UNC5D: variants seen among roughly 807,000 people sequenced by gnomAD.
The protein encoded by UNC5D is netrin receptor UNC5D.
Under a neutral mutation model 105.4 loss-of-function variants are expected in UNC5D, and 39 were observed. The observed-to-expected ratio is 0.37, with a 90% CI of 0.29 to 0.48. The LOEUF (loss-of-function observed/expected upper bound fraction) is 0.48. UNC5D is among the 20% of genes least tolerant of loss of function. UNC5D has a pLI of 0.98. For missense variants in UNC5D, 991 were observed against 1,202.4 expected, an observed-to-expected ratio of 0.82 and a Z score of 2.60; for synonymous variants, 452 against 450.4, an observed-to-expected ratio of 1.00 and a Z score of -0.04.
intron 1 of UNC5D, among the ~76,000 whole-genome samples, chr8:35,248,819 A>T (rs1242639596): frequency 1.0e-5 from 1 of 97,844 alleles, no homozygotes; most frequent in Non-Finnish European, 1.8e-5. Context: ...TATAATATAT[A>T]TAATATTTAT....
chr8:35,726,959 C>G, intron 10 of UNC5D: 1 of 187,588 alleles, frequency 5.3e-6, no homozygotes, highest in South Asian at 1.2e-4. Flanking sequence ...GACATCTCAT[C>G]AGTAACTGAC....
intron 1 of UNC5D, among the ~76,000 whole-genome samples, chr8:35,344,428 C>T (rs1314047785): frequency 1.3e-5 from 2 of 151,952 alleles, no homozygotes; most frequent in Non-Finnish European, 2.9e-5. Flanking sequence ...CTCAGGTGAT[C>T]CTACTGTGTA....
Position 35,552,268 on chromosome 8 carries a change from C to G in UNC5D, c.322+2758C>G, listed in dbSNP as rs1816215101. Among the ~76,000 whole-genome samples, 6 of 152,138 alleles carry G rather than the reference C, an allele frequency of 3.9e-5. 3 individuals carry two copies. The highest frequency in any genetic ancestry group is 3.9e-4 in the Admixed American group (6 of 15,266). On this transcript the variant is annotated intron_variant, in intron 2 of 16. Transcript: ENST00000404895. ...TTAAAATGTTAAGATTTAAGAGATA[C>G]AATGAGTTTGTGGCATAGCTGTTTC...
chr8:35,583,304 G>A (rs1157053236), intron 3 of UNC5D, among the ~76,000 whole-genome samples: 1 of 152,240 alleles, frequency 6.6e-6, no homozygotes, highest in Non-Finnish European at 1.5e-5. Flanking sequence ...AGTTAGCTAT[G>A]ATCGCACCAC....
chr8:35,369,217 G>A (rs1362913686), intron 1 of UNC5D, among the ~76,000 whole-genome samples: 1 of 152,158 alleles, frequency 6.6e-6, no homozygotes, highest in Non-Finnish European at 1.5e-5. Context: ...CTCCCTAGGA[G>A]ATGAGTTCTT....
At chr8:35,273,572 A>C (rs1209958559) in intron 1 of UNC5D, among the ~76,000 whole-genome samples, 1 of 152,188 alleles carries the variant, frequency 6.6e-6, no homozygotes, top group Non-Finnish European at 1.5e-5. Flanking sequence ...AGTTTTCTTT[A>C]TGTTTAGAAA....
At chr8:35,698,114 T>C (rs542251672) in intron 7 of UNC5D, among the ~76,000 whole-genome samples, 8 of 152,112 alleles carry the variant, frequency 5.3e-5, no homozygotes, top group Non-Finnish European at 1.2e-4. Flanking sequence ...TTTATTGAGG[T>C]ATACTTGAAA....
intron 4 of UNC5D, among the ~76,000 whole-genome samples, chr8:35,642,689 A>C (rs1822815539): frequency 1.3e-5 from 2 of 152,056 alleles, no homozygotes; most frequent in Admixed American, 6.6e-5. Flanking sequence ...TTCCTGGCTA[A>C]TCTTAAGGCT....
At chr8:35,521,339 C>A (rs1813457832) in intron 1 of UNC5D, among the ~76,000 whole-genome samples, 1 of 152,096 alleles carries the variant, frequency 6.6e-6, no homozygotes, top group Admixed American at 6.5e-5. Flanking sequence ...TTTCCTACCA[C>A]TTAAATGGCT....
At chr8:35,438,984 G>A (rs1198815867) in intron 1 of UNC5D, among the ~76,000 whole-genome samples, 2 of 151,952 alleles carry the variant, frequency 1.3e-5, no homozygotes, top group Non-Finnish European at 2.9e-5. Context: ...GACGCAGGGG[G>A]CCAGAAATCT....
chr8:35,600,574 T>C lies in UNC5D; in HGVS notation c.570+4917T>C, dbSNP rs1019775332. Among the ~76,000 whole-genome samples, 7 of 152,358 alleles carry C rather than the reference T, an allele frequency of 4.6e-5. No homozygotes were observed. The South Asian group carries it at 1.4e-3, about 32-fold the overall frequency. On this transcript the variant is annotated intron_variant, in intron 4 of 16. Coordinates refer to ENST00000404895, the MANE Select transcript of UNC5D (RefSeq NM_080872.4). ...GTGATGATGAGCATTTTTTCGTGTG[T>C]CTTTTGGCTGCATAAATGTCTTCTT...
At chr8:35,654,739 T>C (rs1163883315) in intron 4 of UNC5D, among the ~76,000 whole-genome samples, 1 of 152,210 alleles carries the variant, frequency 6.6e-6, no homozygotes, top group Non-Finnish European at 1.5e-5. Flanking sequence ...TTGTTAGCTT[T>C]TTCTTTCTTT....
At chr8:35,298,110 T>C (rs1051499525) in intron 1 of UNC5D, among the ~76,000 whole-genome samples, 2 of 152,194 alleles carry the variant, frequency 1.3e-5, no homozygotes, top group African/African-American at 4.8e-5. Context: ...GCTCTGAATA[T>C]GCAAGTCCTG....
At chr8:35,604,907 G>T (rs192067183) in intron 4 of UNC5D, among the ~76,000 whole-genome samples, 81 of 152,174 alleles carry the variant, frequency 5.3e-4, no homozygotes, top group Admixed American at 4.7e-3. Context: ...GGTCCTTTAA[G>T]GACTTCTCTG....
chr8:35,437,843 A>G (rs1585842731), intron 1 of UNC5D, among the ~76,000 whole-genome samples: 1 of 148,366 alleles, frequency 6.7e-6, no homozygotes, highest in Admixed American at 6.8e-5. Context: ...GAGCAATTGG[A>G]TTTCTTCTGA....
At chr8:35,410,254 C>T (rs1528704) in intron 1 of UNC5D, among the ~76,000 whole-genome samples, 65,597 of 151,610 alleles carry the variant, frequency 0.43, 14,501 homozygotes, top group East Asian at 0.7. Flanking sequence ...TTTTTCTCCC[C>T]ATATACTGTC....
At chr8:35,509,105 CG>C (rs1455650275) in intron 1 of UNC5D, among the ~76,000 whole-genome samples, 1 of 151,884 alleles carries the variant, frequency 6.6e-6, no homozygotes, top group African/African-American at 2.4e-5. Context: ...ATTGTGTGCC[CG>C]GGGGGCCAAG....
chr8:35,261,107 T>C (rs2405810), intron 1 of UNC5D, among the ~76,000 whole-genome samples: 53,531 of 152,116 alleles, frequency 0.35, 10,558 homozygotes, highest in Non-Finnish European at 0.43. Context: ...CTGAGTTTAC[T>C]GCAGAGAAGC....
chr8:35,728,592 ATGCTC>A (rs919844376), intron 10 of UNC5D, among the ~76,000 whole-genome samples: 1 of 152,230 alleles, frequency 6.6e-6, no homozygotes, highest in Admixed American at 6.5e-5. Context: ...AGTAAAACAT[ATGCTC>A]TGTTATTTGC....
Sources: gnomAD v4.1 joint callset for allele counts (sites outside exome capture counted in the v4.1 genomes callset) on GRCh38, gnomAD v4.1.1 for gene constraint, MANE v1.5 for transcripts, NCBI Gene and HGNC (gene_info 2026-07-23, HGNC 2026-07-21) for gene names.